Variants in TRERF1 observed in about 807,000 individuals in gnomAD.
TRERF1 encodes transcriptional regulating factor 1.
TRERF1 carries 27 observed loss-of-function variants against 122.9 expected under a neutral mutation model. The ratio of observed to expected loss-of-function variants is 0.22; its 90% CI spans 0.16 to 0.30. TRERF1 has a LOEUF of 0.30. TRERF1 is among the 10% of genes least tolerant of loss of function. TRERF1 has a pLI of 1.00. For synonymous variants in TRERF1, 636 were observed against 641.7 expected, an observed-to-expected ratio of 0.99 and a Z score of 0.13; for missense variants, 1,248 against 1,560.3, an observed-to-expected ratio of 0.80 and a Z score of 3.37.
chr6:42,236,380 T>A (rs1772193742), exon 16 of TRERF1: 1 of 1,559,612 alleles, frequency 6.4e-7, no homozygotes, highest in Non-Finnish European at 8.7e-7. Flanking sequence ...CTCCTCCTCC[T>A]CCTCCTCTAA....
chr6:42,299,759 A>T (rs1330954180), intron 4 of TRERF1, among the ~76,000 whole-genome samples: 2 of 152,176 alleles, frequency 1.3e-5, no homozygotes, highest in Non-Finnish European at 2.9e-5. Context: ...CATATTTCAA[A>T]CTCTAAGGAT....
Position 42,228,475 on chromosome 6 carries a change from T to A in TRERF1, c.3473A>T (p.Asp1158Val), listed in dbSNP as rs1484785121. 4.3e-6 allele frequency: 7 copies of A among 1,614,172 alleles called. No homozygotes were observed. The highest frequency in any genetic ancestry group is 5.9e-6 in the Non-Finnish European group (7 of 1,180,028). The change falls in exon 18 of 18, where the codon GAT (aspartate) becomes GTT (valine). Residue 1158 changes from aspartate to valine, a missense_variant. Coordinates refer to ENST00000372922, the Ensembl canonical transcript of TRERF1. This position sits in a 1 kb window ranked among gnomAD's most constrained non-coding sequence, Gnocchi z 4.2. ...GACGTCGTCGTCGAGGATGTCCACA[T>A]CCTTGATGGGTTTGATCAGACTCAG...
At chr6:42,441,489 C>A (rs908796063) in intron 2 of TRERF1, among the ~76,000 whole-genome samples, 1 of 152,102 alleles carries the variant, frequency 6.6e-6, no homozygotes, top group Non-Finnish European at 1.5e-5. Flanking sequence ...CATTTGCATT[C>A]GAGAGCTCAG....
chr6:42,254,251 C>T (rs542577919), intron 13 of TRERF1, among the ~76,000 whole-genome samples: 21 of 152,294 alleles, frequency 1.4e-4, no homozygotes, highest in Admixed American at 3.3e-4. Context: ...CTGAGCTGCA[C>T]GACGTAGGAC....
intron 3 of TRERF1, among the ~76,000 whole-genome samples, chr6:42,303,646 G>A (rs895862926): frequency 5.3e-5 from 8 of 152,092 alleles, no homozygotes; most frequent in African/African-American, 1.9e-4. Context: ...GCGCACAGTG[G>A]GTCCCACCTG....
intron 8 of TRERF1, among the ~76,000 whole-genome samples, chr6:42,262,445 AGAGAGAGAGAGAGAGAGAGAG>A (rs1561853595): frequency 5.2e-5 from 2 of 38,278 alleles, no homozygotes; most frequent in African/African-American, 1.4e-4. Flanking sequence ...AGAGAGAGAG[AGAGAGAGAGAGAGAGAGAGAG>A]GAGAGAGAGA....
rs927574577 is a variant in TRERF1, at chr6:42,368,967, C to T, written c.-453-5888G>A. Among the ~76,000 whole-genome samples, 5 of 152,188 alleles carry T rather than the reference C, an allele frequency of 3.3e-5. No individual in the cohort carries two copies. The East Asian group carries it at 5.8e-4, about 18-fold the overall frequency. ...GCTAAAATGAGCAATTAAGATGACC[C>T]GAATCCAGGGGTTCCCAATGTTAGC... On this transcript the variant is annotated intron_variant, in intron 2 of 17. Transcript: ENST00000372922.
chr6:42,324,184 G>A (rs1414626871), intron 3 of TRERF1, among the ~76,000 whole-genome samples: 1 of 152,032 alleles, frequency 6.6e-6, no homozygotes, highest in African/African-American at 2.4e-5. Context: ...AAATACCCAG[G>A]AATACATCTA....
intron 2 of TRERF1, among the ~76,000 whole-genome samples, chr6:42,384,502 T>C (rs773099371): frequency 3.3e-5 from 5 of 152,194 alleles, no homozygotes; most frequent in African/African-American, 4.8e-5. Context: ...CTAATAAAAG[T>C]GGTTACCTAT....
chr6:42,368,845 T>C (rs1289434187), intron 2 of TRERF1, among the ~76,000 whole-genome samples: 1 of 152,222 alleles, frequency 6.6e-6, no homozygotes, highest in East Asian at 1.9e-4. Context: ...AGTTAAAAAA[T>C]GACTTCTTGG....
intron 3 of TRERF1, among the ~76,000 whole-genome samples, chr6:42,334,105 T>G (rs1039646731): frequency 7.2e-5 from 11 of 152,010 alleles, no homozygotes; most frequent in Non-Finnish European, 1.2e-4. Flanking sequence ...GTGTGTGTGT[T>G]TTTGTGTAGC....
Position 42,393,988 on chromosome 6 carries a change from G to GT in TRERF1, c.-453-30910dup, listed in dbSNP as rs1270736192. Among the ~76,000 whole-genome samples, 1 of 151,134 alleles carries GT rather than the reference G, an allele frequency of 6.6e-6. No homozygotes were observed. The highest frequency in any genetic ancestry group is 1.5e-5 in the Non-Finnish European group (1 of 67,868). On this transcript the variant is annotated intron_variant, in intron 2 of 17. Transcript: ENST00000372922. The surrounding 1 kb of genome is among the most constrained non-coding windows in gnomAD (Gnocchi z 4.1). Reference sequence around the variant, plus strand: ...ACTGGTTTCTTCCAGAAAGATGGATGTTTTTATTTTCTTCTCTATGATTTC... The same window carrying GT: ...ACTGGTTTCTTCCAGAAAGATGGATGTTTTTTATTTTCTTCTCTATGATTTC...
In TRERF1 at chr6:42,269,637, G is replaced by A; in HGVS notation, c.-47C>T. On this transcript the variant is annotated 5_prime_UTR_variant, in exon 5 of 18. Transcript: ENST00000372922. The surrounding 1 kb of genome is among the most constrained non-coding windows in gnomAD (Gnocchi z 4.9). ...CGTCCAGCCACAAAACCATAAAAAA[G>A]GTAAATAAAACAAACCCAAAAGGAC... 1 of 1,586,314 alleles carries A rather than the reference G, an allele frequency of 6.3e-7. No individual in the cohort carries two copies.
At position 42,259,492 on chromosome 6, in the gene TRERF1, G is replaced by A. The variant is rs1403247754; in HGVS notation, c.2116C>T (p.Pro706Ser). 6.2e-7 allele frequency: 1 copy of A among 1,611,248 alleles called. No homozygotes were observed. The highest frequency in any genetic ancestry group is 1.1e-5 in the South Asian group (1 of 90,982). Residue 706 changes from proline (P) to serine (S), a missense_variant, in exon 9 of 18, where the codon CCC (proline) becomes TCC (serine). Coordinates refer to ENST00000372922, the Ensembl canonical transcript of TRERF1. The surrounding 1 kb of genome is among the most constrained non-coding windows in gnomAD (Gnocchi z 4.9). ...AGCATGGGTGGGGGCGTGTAAGGGG[G>A]CAGCTCGTGGGTGGGGTCCAGGAGC...
intron 4 of TRERF1, among the ~76,000 whole-genome samples, chr6:42,293,846 T>A (rs1188052594): frequency 1.3e-5 from 2 of 149,538 alleles, no homozygotes; most frequent in Admixed American, 6.8e-5. Context: ...GTTGGGCAAA[T>A]GACTTCCCCT....
chr6:42,232,581 T>C lies in TRERF1; in HGVS notation c.3278+100A>G, dbSNP rs1770777883. 23 of 1,422,112 alleles carry C rather than the reference T, an allele frequency of 1.6e-5. 2 individuals carry two copies. In the South Asian group the frequency reaches 3.2e-4, roughly 20 times the overall value. 88.1% of individuals were successfully genotyped at this position (1,422,112 alleles called of 1,614,324 possible). On this transcript the variant is annotated intron_variant, in intron 17 of 17. Coordinates refer to ENST00000372922, the Ensembl canonical transcript of TRERF1. The surrounding 1 kb of genome is among the most constrained non-coding windows in gnomAD (Gnocchi z 4.5). ...AAGAAGAGTTTTGAGGTCTAAGTTC[T>C]TTTTTCTGATTGAAGAAACCTCAGG...
chr6:42,426,702 C>A (rs193002785), intron 2 of TRERF1, among the ~76,000 whole-genome samples: 1 of 152,162 alleles, frequency 6.6e-6, no homozygotes, highest in Non-Finnish European at 1.5e-5. Flanking sequence ...ATGATTGGAA[C>A]GCAGACACGC....
At chr6:42,294,011 C>G (rs1264323255) in intron 4 of TRERF1, among the ~76,000 whole-genome samples, 1 of 152,008 alleles carries the variant, frequency 6.6e-6, no homozygotes, top group East Asian at 1.9e-4. Context: ...CTAGGGTTTC[C>G]CACCAATGAC....
chr6:42,313,677 A>G (rs1232463855), intron 3 of TRERF1, among the ~76,000 whole-genome samples: 3 of 152,092 alleles, frequency 2.0e-5, no homozygotes, highest in Admixed American at 1.3e-4. Context: ...ATTTCTGGCA[A>G]TGTGACCATA....
Sources: allele counts gnomAD v4.1 joint callset (sites outside exome capture counted in the v4.1 genomes callset), GRCh38; gene constraint gnomAD v4.1.1; non-coding constraint Gnocchi (gnomAD v3.1); transcripts MANE v1.5; gene names NCBI Gene and HGNC (gene_info 2026-07-23, HGNC 2026-07-21).